LAMA2: variants seen among roughly 807,000 people sequenced by gnomAD.
LAMA2 encodes laminin subunit alpha-2.
In LAMA2, 269 loss-of-function variants were observed where a neutral mutation model predicts 364.8. The observed-to-expected ratio is 0.74, with a 90% CI of 0.67 to 0.82. The LOEUF (loss-of-function observed/expected upper bound fraction) is 0.82, where lower values mean the gene tolerates loss of function less well. Among genes scored for constraint, LAMA2 ranks in the 40% least tolerant of loss-of-function variants. LAMA2 has a pLI of 0.00. For synonymous variants in LAMA2, 1,379 were observed against 1,370.6 expected (o/e 1.01, Z -0.14); for missense variants, 3,807 against 3,873.2 (o/e 0.98, Z 0.45).
rs77746403 is a variant in LAMA2 at position 129,290,489 on chromosome 6, T to C, written c.2750-1125T>C. Among the ~76,000 whole-genome samples, 1,177 of 152,280 alleles carry C rather than the reference T, an allele frequency of 7.7e-3. 8 individuals are homozygous for C. Among genetic ancestry groups the C allele is most frequent in the African/African-American group, 0.026 (1,063 of 41,568 alleles). On this transcript the variant is annotated intron_variant, in intron 19 of 64. Transcript: ENST00000421865. ...AGCAGTTCTTTTGTTTGTTTATTTG[T>C]TTGTTTTTTAAAAGGAGAACCTAGA...
chr6:129,179,141 C>T (rs1484877263), intron 10 of LAMA2, among the ~76,000 whole-genome samples: 1 of 151,838 alleles, frequency 6.6e-6, no homozygotes, highest in Non-Finnish European at 1.5e-5. Flanking sequence ...TTAAGGACAC[C>T]TCCCCTCTCC....
At chr6:128,909,671 C>G (rs2114449105) in intron 1 of LAMA2, among the ~76,000 whole-genome samples, 1 of 149,768 alleles carries the variant, frequency 6.7e-6, no homozygotes, top group African/African-American at 2.4e-5. Flanking sequence ...GAATTTGATC[C>G]TGTCATGATG....
intron 43 of LAMA2, chr6:129,442,360 T>C (rs941638445): frequency 4.1e-5 from 16 of 393,506 alleles, no homozygotes; most frequent in Non-Finnish European, 5.2e-5. Flanking sequence ...TTTTTAAAAT[T>C]TTTTAATGTA....
At chr6:128,892,642 G>T (rs1776528400) in intron 1 of LAMA2, among the ~76,000 whole-genome samples, 1 of 151,852 alleles carries the variant, frequency 6.6e-6, no homozygotes, top group Admixed American at 6.6e-5. Flanking sequence ...GTTAATTTCA[G>T]CATGGCCTTC....
chr6:129,010,516 G>C (rs1784701642), intron 1 of LAMA2, among the ~76,000 whole-genome samples: 1 of 152,140 alleles, frequency 6.6e-6, no homozygotes, highest in Non-Finnish European at 1.5e-5. Flanking sequence ...AAACTTTCAT[G>C]ATGTATTTAA....
rs181388885 is a variant in LAMA2, at chr6:128,962,075, A to G, written c.112+78718A>G. Among the ~76,000 whole-genome samples, 501 of 137,556 alleles carry G rather than the reference A, an allele frequency of 3.6e-3. 6 individuals carry two copies. The highest frequency in any genetic ancestry group is 0.012 in the African/African-American group (429 of 35,120). The allele number at this position is 137,556 out of a possible 152,430, so 90.2% of individuals were successfully genotyped here. A position where few individuals can be genotyped will look rare whatever the true frequency, so the allele number is the denominator to read the frequency against. On this transcript the variant is annotated intron_variant, in intron 1 of 64. Transcript: ENST00000421865. ...GCTCTGGGCTAGTACCACTCACTCC[A>G]TCCACTTTCCTTCCATCCTATATTA... is the stretch of plus-strand genomic sequence containing the variant.
chr6:129,048,551 TTCTCTC>T (rs35969474), intron 1 of LAMA2, among the ~76,000 whole-genome samples: 22 of 99,026 alleles, frequency 2.2e-4, no homozygotes, highest in African/African-American at 8.8e-4. Context: ...CTTTCTTTCT[TTCTCTC>T]TCTCTCTCTC....
chr6:129,113,818 A>G (rs1776305065), intron 4 of LAMA2, among the ~76,000 whole-genome samples: 1 of 151,946 alleles, frequency 6.6e-6, no homozygotes. Context: ...GAGGCACCCT[A>G]GAGAGGGGAG....
rs759946630 is a variant in LAMA2 at position 129,473,228 on chromosome 6, G to T, written c.7315G>T (p.Val2439Leu). The change falls in exon 52 of 65, where the codon GTA becomes TTA. Residue 2439 changes from valine to leucine, a missense_variant. Physicochemically the swap from Val to Leu is conservative, Grantham distance 32 (BLOSUM62 1). This residue lies in a region of LAMA2 where 3,333 missense variants were observed against 3,345.7 expected (regional missense o/e 1.00). Coordinates refer to ENST00000421865, the MANE Select transcript of LAMA2 (RefSeq NM_000426.4). Reference sequence around the variant, plus strand: ...CTCCTTTACAGCCAATATATCAATTGTAGATATAGATACTAATCAGGAGGA... The same window carrying T: ...CTCCTTTACAGCCAATATATCAATTTTAGATATAGATACTAATCAGGAGGA... ...RIQKQANISI[V>L]DIDTNQEENI... is the part of the protein sequence containing the mutation. The T allele has an allele frequency of 5.0e-6, 8 of 1,595,868 alleles. No individual in the cohort carries two copies. The highest frequency in any genetic ancestry group is 6.9e-6 in the Non-Finnish European group (8 of 1,164,192).
At chr6:129,236,696 A>C (rs1356257793) in intron 12 of LAMA2, among the ~76,000 whole-genome samples, 1 of 152,142 alleles carries the variant, frequency 6.6e-6, no homozygotes, top group Non-Finnish European at 1.5e-5. Context: ...TCCATGTTTT[A>C]ATAGATTAAT....
intron 29 of LAMA2, among the ~76,000 whole-genome samples, chr6:129,340,758 T>C (rs2451678): frequency 0.84 from 124,662 of 148,882 alleles, 52,175 homozygotes; most frequent in Admixed American, 0.88. Context: ...AATCCCTTTA[T>C]TCAGGAGGCA....
At chr6:129,313,593 CTA>C (rs553411685) in intron 23 of LAMA2, among the ~76,000 whole-genome samples, 1 of 152,172 alleles carries the variant, frequency 6.6e-6, no homozygotes, top group South Asian at 2.1e-4. Flanking sequence ...CAAACAGTGA[CTA>C]TGTGCAAATT....
intron 4 of LAMA2, among the ~76,000 whole-genome samples, chr6:129,134,507 A>T (rs907814521): frequency 1.3e-5 from 2 of 152,138 alleles, no homozygotes; most frequent in Non-Finnish European, 2.9e-5. Context: ...CCTTTTTGGT[A>T]CCAGGGATTG....
At chr6:129,361,458 T>C (rs1777455639) in intron 32 of LAMA2, among the ~76,000 whole-genome samples, 1 of 152,210 alleles carries the variant, frequency 6.6e-6, no homozygotes, top group Non-Finnish European at 1.5e-5. Context: ...CATGATTCTG[T>C]AGGTTGGCAA....
At chr6:128,956,915 T>A (rs1447401794) in intron 1 of LAMA2, among the ~76,000 whole-genome samples, 1 of 152,078 alleles carries the variant, frequency 6.6e-6, no homozygotes, top group African/African-American at 2.4e-5. Flanking sequence ...AATTCCTCTC[T>A]GAGACACACT....
intron 29 of LAMA2, among the ~76,000 whole-genome samples, chr6:129,335,357 TAGA>T (rs1775894349): frequency 2.6e-5 from 1 of 38,426 alleles, no homozygotes; most frequent in Non-Finnish European, 5.7e-5. Flanking sequence ...AGTAAGTAGG[TAGA>T]TAGATAGATA....
At position 129,297,712 on chromosome 6, in the gene LAMA2, A is replaced by G; in HGVS notation, c.2884A>G (p.Arg962Gly). The change falls in exon 21 of 65, where the codon AGG becomes GGG. Residue 962 changes from arginine (R) to glycine (G), a missense_variant. By Grantham distance (125) the Arg-to-Gly change is moderately radical (BLOSUM62 -2). Coordinates refer to ENST00000421865, the MANE Select transcript of LAMA2 (RefSeq NM_000426.4). ...TGGGACCTTTGGCCTACAATCAGCAAGGGGCTGTGTTCCCTGCAACTGCAA... is the reference window on the plus strand; with the variant it reads ...TGGGACCTTTGGCCTACAATCAGCAGGGGGCTGTGTTCCCTGCAACTGCAA... ...KAGTFGLQSA[R>G]GCVPCNCNSF... 1 of 1,614,030 alleles carries G rather than the reference A, an allele frequency of 6.2e-7. No individual in the cohort carries two copies. Among genetic ancestry groups the G allele is most frequent in the Non-Finnish European group, 8.5e-7 (1 of 1,179,968 alleles).
chr6:129,410,935 G>C (rs1471949231), intron 40 of LAMA2, among the ~76,000 whole-genome samples: 1 of 152,164 alleles, frequency 6.6e-6, no homozygotes, highest in African/African-American at 2.4e-5. Context: ...TCAAGAACTA[G>C]AGAGAAAATG....
intron 1 of LAMA2, among the ~76,000 whole-genome samples, chr6:129,020,688 C>A: frequency 6.6e-6 from 1 of 152,302 alleles, no homozygotes; most frequent in Non-Finnish European, 1.5e-5. Flanking sequence ...ATTTAATCTT[C>A]TCTAGTTCAT....
Sources: allele counts gnomAD v4.1 joint callset (sites outside exome capture counted in the v4.1 genomes callset), GRCh38; gene constraint gnomAD v4.1.1; regional missense constraint gnomAD v4.1.1; transcripts MANE v1.5; gene names NCBI Gene and HGNC (gene_info 2026-07-23, HGNC 2026-07-21).